The following RASAL1 variants were observed in gnomAD, a reference collection of about 807,000 sequenced individuals.
RASAL1 encodes rasGAP-activating-like protein 1.
A neutral mutation model predicts 96.6 loss-of-function variants in RASAL1; 72 were observed. The ratio of observed to expected loss-of-function variants is 0.75; its 90% CI spans 0.62 to 0.91. The LOEUF (loss-of-function observed/expected upper bound fraction) is 0.91, where lower values mean the gene tolerates loss of function less well. Ranked by LOEUF, RASAL1 falls within the 40% of genes least tolerant of loss-of-function variation. The pLI is 0.00. For synonymous variants in RASAL1, 405 were observed against 430.4 expected, an observed-to-expected ratio of 0.94 and a Z score of 0.73; for missense variants, 1,016 against 1,072.5, an observed-to-expected ratio of 0.95 and a Z score of 0.74.
At chr12:113,105,564 G>T in intron 16 of RASAL1, 150 bp downstream of exon 16, 1 of 834,594 alleles carries the variant, frequency 1.2e-6, no homozygotes, top group Non-Finnish European at 1.9e-6. Context: ...TGTGAGCAGA[G>T]CCTGTCCTGA....
At chr12:113,110,220 G>C (rs539195054) in intron 13 of RASAL1, among the ~76,000 whole-genome samples, 2 of 152,198 alleles carry the variant, frequency 1.3e-5, no homozygotes, top group Non-Finnish European at 2.9e-5. Flanking sequence ...GGAGGGGGAG[G>C]AGGGGAGAGA....
At chr12:113,117,219 G>C in intron 7 of RASAL1, 58 bp from the exon 8 acceptor site, 1 of 1,351,922 alleles carries the variant, frequency 7.4e-7, no homozygotes, top group South Asian at 1.3e-5. Flanking sequence ...GCCCTGCCTG[G>C]CTCAGGTCTC....
chr12:113,112,251 C>A lies in RASAL1; in HGVS notation c.1209G>T (p.Ser403=). ...GGCTGGTCTCCCGCATCTGCTCCTC[C>A]GAGAGTGCGCCTTTGAAGGAGATCC... ...TRRISFKGAL[S]EEQMRETSLG... is the part of the protein sequence containing the mutation. The change falls in exon 13 of 21, where the codon TCG becomes TCT. Residue 403 remains serine (S), a synonymous_variant. Transcript: ENST00000548055. The A allele has an allele frequency of 7.9e-7, 1 of 1,264,866 alleles. No homozygotes were observed. Among genetic ancestry groups the A allele is most frequent in the Non-Finnish European group, 1.0e-6 (1 of 996,614 alleles). 78.4% of individuals were successfully genotyped at this position (1,264,866 alleles called of 1,614,324 possible). A position where few individuals can be genotyped will look rare whatever the true frequency, so the allele number is the denominator to read the frequency against.
Position 113,121,620 on chromosome 12 carries a change from T to C in RASAL1, c.317A>G (p.Asn106Ser), listed in dbSNP as rs1358260600. 1 of 1,614,132 alleles carries C rather than the reference T, an allele frequency of 6.2e-7. No individual in the cohort carries two copies. The highest frequency in any genetic ancestry group is 8.5e-7 in the Non-Finnish European group (1 of 1,180,058). ...ADPRGIDSWI[N>S]LSRVDPDAEV... ...TGCATCTGGGTCCACTCGGCTCAAG[T>C]TAATCCAGCTGTCAATCCCTGAAGG... Residue 106 changes from asparagine (N) to serine (S), a missense_variant, in exon 5 of 21, where the codon AAC becomes AGC. Asn to Ser is a conservative substitution (Grantham distance 46). Transcript: ENST00000548055.
intron 18 of RASAL1, 145 bp from the exon 19 acceptor site, chr12:113,102,154 G>T: frequency 1.0e-6 from 1 of 1,001,898 alleles, no homozygotes; most frequent in Non-Finnish European, 1.4e-6. Context: ...GGTGGCTCAT[G>T]CCTGTAATCT....
At position 113,135,497 on chromosome 12, in the gene RASAL1, G is replaced by T. The variant is rs771553529; in HGVS notation, c.-35C>A. Reference sequence around the variant, plus strand: ...CCACAAACTTTCCAGGCAGAAGGGCGCTCAGGTTCCGAGGCTGGACCAGGG... The same window carrying T: ...CCACAAACTTTCCAGGCAGAAGGGCTCTCAGGTTCCGAGGCTGGACCAGGG... On this transcript the variant is annotated 5_prime_UTR_variant, in exon 1 of 21. Coordinates refer to ENST00000548055, the MANE Select transcript of RASAL1 (RefSeq NM_001301202.2). This position sits in a 1 kb window ranked among gnomAD's most constrained non-coding sequence, Gnocchi z 5.7. 4.5e-6 allele frequency: 7 copies of T among 1,566,900 alleles called. No homozygotes were observed. The highest frequency in any genetic ancestry group is 2.4e-5 in the East Asian group (1 of 42,454).
At chr12:113,123,865 G>T (rs976829327) in intron 4 of RASAL1, among the ~76,000 whole-genome samples, 1 of 152,098 alleles carries the variant, frequency 6.6e-6, no homozygotes, top group African/African-American at 2.4e-5. Flanking sequence ...TTACACACGT[G>T]AGCTATTCCA....
chr12:113,124,182 C>T (rs977551885), intron 4 of RASAL1, among the ~76,000 whole-genome samples: 2 of 143,004 alleles, frequency 1.4e-5, no homozygotes, highest in African/African-American at 5.3e-5. Flanking sequence ...CATGCCACTA[C>T]ACTCCAGCCT....
In RASAL1 at chr12:113,135,064, C is replaced by G. The variant is rs372047200; in HGVS notation, c.65+334G>C. 6.6e-6 allele frequency among the ~76,000 whole-genome samples: 1 copy of G among 152,020 alleles called. No homozygotes were observed. Among genetic ancestry groups the G allele is most frequent in the African/African-American group, 2.4e-5 (1 of 41,386 alleles). ...TGCCTGGACTAAGGAAGAGACCCCC[C>G]GCTTTCTCCCCTCCCAGATCTGACA... On this transcript the variant is annotated intron_variant, in intron 1 of 20. Transcript: ENST00000548055. The surrounding 1 kb of genome is among the most constrained non-coding windows in gnomAD (Gnocchi z 5.7).
chr12:113,105,000 C>T (rs1218371179), intron 16 of RASAL1, among the ~76,000 whole-genome samples: 1 of 152,248 alleles, frequency 6.6e-6, no homozygotes, highest in Non-Finnish European at 1.5e-5. Flanking sequence ...ATAGATGACG[C>T]TTCCAAGGTC....
Position 113,112,125 on chromosome 12 carries a change from G to A in RASAL1, c.1335C>T (p.His445=). The A allele has an allele frequency of 8.0e-7, 1 of 1,248,824 alleles. No homozygotes were observed. The allele number at this position is 1,248,824 out of a possible 1,614,324, so 77.4% of individuals were successfully genotyped here. The change falls in exon 13 of 21, where the codon CAC becomes CAT. Residue 445 remains histidine (H), a synonymous_variant. Coordinates refer to ENST00000548055, the MANE Select transcript of RASAL1 (RefSeq NM_001301202.2). ...GGGGGAAGCGCTCCTCCACTCGCCG[G>A]TGCAGCTGCTTGAAGGCGAGGCGCA... is the stretch of plus-strand genomic sequence containing the variant. ...PAMRLAFKQL[H]RRVEERFPQA...
At position 113,115,376 on chromosome 12, in the gene RASAL1, C is replaced by G; in HGVS notation, c.1004-112G>C. 8.7e-7 allele frequency: 1 copy of G among 1,146,242 alleles called. No homozygotes were observed. The highest frequency in any genetic ancestry group is 1.3e-6 in the Non-Finnish European group (1 of 761,130). 71.0% of individuals were successfully genotyped at this position (1,146,242 alleles called of 1,614,324 possible). On this transcript the variant is annotated intron_variant, in intron 10 of 20. Coordinates refer to ENST00000548055, the MANE Select transcript of RASAL1 (RefSeq NM_001301202.2). The surrounding 1 kb of genome is among the most constrained non-coding windows in gnomAD (Gnocchi z 4.1). ...TCCAGCCCCAAGAATCAGGAAGACC[C>G]AAAACATCAACCCCATTCACAGTAC...
At chr12:113,101,695 A>G (rs1211665052) in intron 19 of RASAL1, among the ~76,000 whole-genome samples, 194 bp downstream of exon 19, 2 of 121,692 alleles carry the variant, frequency 1.6e-5, no homozygotes, top group Admixed American at 1.6e-4. Flanking sequence ...AGTTCTGCAT[A>G]AGGGACCCCT....
intron 2 of RASAL1, 64 bp from the exon 3 acceptor site, chr12:113,128,242 CCAGA>C: frequency 1.2e-5 from 9 of 721,446 alleles, no homozygotes; most frequent in Admixed American, 4.1e-5. Flanking sequence ...ACCTGGAGAC[CCAGA>C]CACACACACA....
In RASAL1 at chr12:113,103,915, G is replaced by T; in HGVS notation, c.2104+31C>A. ...ACCCGCTGATTGACGGGTGGGGAGG[G>T]CGGAGCCTGCAGTCCGCCCTGCCCC... is the stretch of plus-strand genomic sequence containing the variant. On this transcript the variant is annotated intron_variant, in intron 18 of 20. Transcript: ENST00000548055. 3 of 1,544,124 alleles carry T rather than the reference G, an allele frequency of 1.9e-6. No homozygotes were observed. In the South Asian group the frequency reaches 3.6e-5, roughly 18 times the overall value.
chr12:113,135,364 G>A lies in RASAL1; in HGVS notation c.65+34C>T. 2 of 1,589,642 alleles carry A rather than the reference G, an allele frequency of 1.3e-6. No individual in the cohort carries two copies. Among genetic ancestry groups the A allele is most frequent in the Middle Eastern group, 1.7e-4 (1 of 5,934 alleles). ...GTCGGCCCCACCCCAGGCCTTGCGC[G>A]CCCCTCACCCAGAAGCGCCCGAGGA... On this transcript the variant is annotated intron_variant, in intron 1 of 20. Transcript: ENST00000548055. The surrounding 1 kb of genome is among the most constrained non-coding windows in gnomAD (Gnocchi z 5.7).
At chr12:113,111,934 A>C (rs1416480175) in intron 13 of RASAL1, 152 bp downstream of exon 13, 13 of 640,060 alleles carry the variant, frequency 2.0e-5, no homozygotes, top group South Asian at 8.3e-5. Flanking sequence ...TGGGACCCGG[A>C]CCCTGCCAGG....
intron 3 of RASAL1, 29 bp from the exon 4 acceptor site, chr12:113,127,902 G>C (rs1951550810): frequency 6.2e-7 from 1 of 1,610,552 alleles, no homozygotes; most frequent in Non-Finnish European, 8.5e-7. Context: ...GTGAAGGTCT[G>C]AGTCAGGGGC....
intron 15 of RASAL1, among the ~76,000 whole-genome samples, chr12:113,106,737 C>T (rs944021013): frequency 1.3e-5 from 2 of 152,142 alleles, no homozygotes; most frequent in Non-Finnish European, 2.9e-5. Context: ...TGGTCCCCAA[C>T]AAAATAAAAG....
Sources: gnomAD v4.1 joint callset for allele counts (sites outside exome capture counted in the v4.1 genomes callset) on GRCh38, gnomAD v4.1.1 for gene constraint, Gnocchi (gnomAD v3.1) non-coding constraint, MANE v1.5 for transcripts, NCBI Gene and HGNC (gene_info 2026-07-23, HGNC 2026-07-21) for gene names.